Variants in ABCA13 observed in about 807,000 individuals in gnomAD.
ABCA13 encodes ATP binding cassette subfamily A member 13, also known as ATP-binding cassette sub-family A member 13.
ABCA13 carries 476 observed loss-of-function variants against 478.7 expected under a neutral mutation model. That is an observed-to-expected ratio of 0.99 (90% CI 0.92 to 1.07). The LOEUF (loss-of-function observed/expected upper bound fraction) is 1.07. Among genes scored for constraint, ABCA13 ranks in the 50% least tolerant of loss-of-function variants. The pLI, the probability that ABCA13 is intolerant of heterozygous loss-of-function variation, is 0.00. For synonymous variants in ABCA13, 2,252 were observed against 2,158.9 expected (o/e 1.04, Z -1.20); for missense variants, 6,060 against 5,910.6 (o/e 1.03, Z -0.83).
chr7:48,413,428 C>A (rs1455981424), intron 41 of ABCA13, among the ~76,000 whole-genome samples: 1 of 152,142 alleles, frequency 6.6e-6, no homozygotes, highest in Non-Finnish European at 1.5e-5. Context: ...CAGAAATAGG[C>A]GTTTCCTCCA....
At chr7:48,264,831 G>A (rs767150199) in intron 15 of ABCA13, among the ~76,000 whole-genome samples, 10 of 151,566 alleles carry the variant, frequency 6.6e-5, no homozygotes, top group Non-Finnish European at 1.3e-4. Flanking sequence ...TGCTTTTGGT[G>A]TTGTAGCTAA....
chr7:48,629,129 C>T (rs574394299), intron 59 of ABCA13, among the ~76,000 whole-genome samples: 41 of 152,302 alleles, frequency 2.7e-4, no homozygotes, highest in African/African-American at 9.4e-4. Flanking sequence ...ATCAGGTGTA[C>T]GATTCAGTCC....
chr7:48,530,604 C>T lies in ABCA13; in HGVS notation c.14354+2259C>T, dbSNP rs190357220. Among the ~76,000 whole-genome samples, 256 of 152,248 alleles carry T rather than the reference C, an allele frequency of 1.7e-3. 3 individuals carry two copies. Among genetic ancestry groups the T allele is most frequent in the African/African-American group, 5.8e-3 (239 of 41,558 alleles). On this transcript the variant is annotated intron_variant, in intron 55 of 61. Coordinates refer to ENST00000435803, the MANE Select transcript of ABCA13 (RefSeq NM_152701.5). ...GTGGTTGTACTAGTTTACATTCCCA[C>T]CAACAGTGTAAAAGTGTTCCCTTTT...
Position 48,193,026 on chromosome 7 carries a change from A to C in ABCA13, c.137A>C (p.Gln46Pro). The change falls in exon 2 of 62, where the codon CAA becomes CCA. Residue 46 changes from glutamine to proline, a missense_variant. Coordinates refer to ENST00000435803, the MANE Select transcript of ABCA13 (RefSeq NM_152701.5). ...LFVILTVLRF[Q>P]EPPRYRDICY... ...GTAATTCTGACAGTTCTTCGTTTTC[A>C]AGAACCTCCCAGATACAGAGACATT... The C allele has an allele frequency of 1.3e-6, 2 of 1,535,256 alleles. No homozygotes were observed. The highest frequency in any genetic ancestry group is 8.7e-7 in the Non-Finnish European group (1 of 1,146,280).
chr7:48,334,401 C>G (rs563576845), intron 27 of ABCA13, among the ~76,000 whole-genome samples: 1 of 150,634 alleles, frequency 6.6e-6, no homozygotes, highest in Admixed American at 6.6e-5. Flanking sequence ...GTGGTGCAAT[C>G]TTGGCTCACT....
intron 59 of ABCA13, among the ~76,000 whole-genome samples, chr7:48,621,693 G>T (rs144756022): frequency 6.6e-6 from 1 of 152,120 alleles, no homozygotes; most frequent in East Asian, 1.9e-4. Flanking sequence ...CTTTAGATTG[G>T]TATTCCAATG....
At chr7:48,605,543 A>G (rs1791380810) in intron 58 of ABCA13, among the ~76,000 whole-genome samples, 2 of 152,202 alleles carry the variant, frequency 1.3e-5, no homozygotes, top group African/African-American at 4.8e-5. Context: ...ATTGTCCCCC[A>G]TTCTCCTCTG....
intron 52 of ABCA13, among the ~76,000 whole-genome samples, chr7:48,517,485 T>C (rs963031801): frequency 6.6e-6 from 1 of 152,194 alleles, no homozygotes; most frequent in African/African-American, 2.4e-5. Flanking sequence ...CACTCTCCAA[T>C]AGGCCGTTCT....
At chr7:48,329,432 T>A (rs902494243) in intron 27 of ABCA13, among the ~76,000 whole-genome samples, 2 of 152,182 alleles carry the variant, frequency 1.3e-5, no homozygotes, top group Non-Finnish European at 2.9e-5. Context: ...AGTGTTAGCA[T>A]CCTAGGGGGC....
intron 41 of ABCA13, among the ~76,000 whole-genome samples, chr7:48,420,949 T>C (rs1820660721): frequency 6.6e-6 from 1 of 152,128 alleles, no homozygotes. Flanking sequence ...CTCAATATTT[T>C]TGAAGAGTCC....
intron 42 of ABCA13, among the ~76,000 whole-genome samples, chr7:48,431,734 A>T (rs1339846190): frequency 6.6e-6 from 1 of 152,062 alleles, no homozygotes; most frequent in Admixed American, 6.6e-5. Flanking sequence ...GCCTTATTTC[A>T]TATCTTTTAT....
At chr7:48,263,527 A>G (rs1020921706) in intron 15 of ABCA13, among the ~76,000 whole-genome samples, 1 of 151,878 alleles carries the variant, frequency 6.6e-6, no homozygotes, top group Non-Finnish European at 1.5e-5. Context: ...TAAAATAAAA[A>G]TTTACATAGT....
chr7:48,580,368 C>T lies in ABCA13; in HGVS notation c.14499C>T (p.Ile4833=), dbSNP rs749996337. 9.2e-5 allele frequency: 149 copies of T among 1,611,472 alleles called. No homozygotes were observed. The highest frequency in any genetic ancestry group is 1.3e-4 in the Non-Finnish European group (148 of 1,178,858). Residue 4833 remains isoleucine (I), a synonymous_variant, in exon 56 of 62, where the codon ATC becomes ATT. Transcript: ENST00000435803. ...CSLRGIPRQC[I]PEVAGDLIRR... is the part of the protein sequence containing the mutation. Reference sequence around the variant, plus strand: ...TACGCGGGATTCCAAGGCAGTGCATCCCTGAGGTAAATCTCCCTGGGGTCT... The same window carrying T: ...TACGCGGGATTCCAAGGCAGTGCATTCCTGAGGTAAATCTCCCTGGGGTCT...
chr7:48,447,712 T>C (rs1389058303), intron 42 of ABCA13, among the ~76,000 whole-genome samples: 1 of 152,196 alleles, frequency 6.6e-6, no homozygotes, highest in Admixed American at 6.5e-5. Flanking sequence ...ATAGGGATGC[T>C]GAATACAATA....
At chr7:48,581,411 A>G (rs1478288357) in intron 56 of ABCA13, among the ~76,000 whole-genome samples, 1 of 152,152 alleles carries the variant, frequency 6.6e-6, no homozygotes, top group Non-Finnish European at 1.5e-5. Flanking sequence ...CGTCTTAATA[A>G]AGCAAAGATA....
intron 58 of ABCA13, among the ~76,000 whole-genome samples, chr7:48,613,195 CT>C (rs796791064): frequency 1.7e-4 from 25 of 146,866 alleles, no homozygotes; most frequent in African/African-American, 3.0e-4. Context: ...TTTTTTCTTT[CT>C]TTTTTTTTTG....
chr7:48,231,835 T>C (rs1455068356), intron 7 of ABCA13, among the ~76,000 whole-genome samples: 1 of 152,116 alleles, frequency 6.6e-6, no homozygotes, highest in Admixed American at 6.5e-5. Flanking sequence ...CTAATTTTTG[T>C]ATTTTTAGTA....
At chr7:48,412,762 C>T (rs1466565520) in intron 41 of ABCA13, among the ~76,000 whole-genome samples, 179 bp downstream of exon 41, 1 of 146,814 alleles carries the variant, frequency 6.8e-6, no homozygotes, top group Admixed American at 6.9e-5. Flanking sequence ...CTTAACAGGC[C>T]TGACAGGTGG....
chr7:48,638,075 A>G (rs1255810169), intron 59 of ABCA13, among the ~76,000 whole-genome samples: 1 of 152,190 alleles, frequency 6.6e-6, no homozygotes, highest in African/African-American at 2.4e-5. Flanking sequence ...TACTGAATGG[A>G]TGGAGGAAAG....
Sources: gnomAD v4.1 joint callset for allele counts (sites outside exome capture counted in the v4.1 genomes callset) on GRCh38, gnomAD v4.1.1 for gene constraint, MANE v1.5 for transcripts, NCBI Gene and HGNC (gene_info 2026-07-23, HGNC 2026-07-21) for gene names.